Variants in KAT14 observed in about 807,000 individuals in gnomAD.
The protein encoded by KAT14 is cysteine-rich protein 2-binding protein.
KAT14 carries 66 observed loss-of-function variants against 78.4 expected under a neutral mutation model. The observed-to-expected ratio is 0.84, with a 90% CI of 0.69 to 1.03. The LOEUF (loss-of-function observed/expected upper bound fraction) is 1.03. Among genes scored for constraint, KAT14 ranks in the 50% least tolerant of loss-of-function variants. The pLI is 0.00. For missense variants in KAT14, 870 were observed against 972.5 expected, an observed-to-expected ratio of 0.89 and a Z score of 1.40; for synonymous variants, 344 against 359.4, an observed-to-expected ratio of 0.96 and a Z score of 0.48.
chr20:18,143,908 G>A (rs891225894), intron 2 of KAT14, among the ~76,000 whole-genome samples: 5 of 152,180 alleles, frequency 3.3e-5, no homozygotes, highest in African/African-American at 9.7e-5. Context: ...GGGATTACAG[G>A]CATGTGCTAC....
At chr20:18,149,510 G>A (rs982250355) in intron 3 of KAT14, among the ~76,000 whole-genome samples, 8 of 152,208 alleles carry the variant, frequency 5.3e-5, no homozygotes, top group African/African-American at 1.9e-4. Context: ...TAAGAATGGG[G>A]GAAATTGAAA....
intron 7 of KAT14, among the ~76,000 whole-genome samples, chr20:18,166,565 CAAG>C (rs1197896671): frequency 1.3e-5 from 2 of 152,194 alleles, no homozygotes; most frequent in Non-Finnish European, 2.9e-5. Flanking sequence ...TATTCTTTAA[CAAG>C]AAGGAAAACT....
intron 4 of KAT14, among the ~76,000 whole-genome samples, chr20:18,151,920 T>C (rs769156532): frequency 6.0e-5 from 9 of 151,130 alleles, no homozygotes; most frequent in Non-Finnish European, 1.2e-4. Context: ...GGAGAATTGC[T>C]TGAACCCAGG....
chr20:18,169,376 T>A (rs1182276352), intron 7 of KAT14, among the ~76,000 whole-genome samples: 1 of 152,268 alleles, frequency 6.6e-6, no homozygotes, highest in Non-Finnish European at 1.5e-5. Context: ...TCTAGTAGTG[T>A]GTGCTTACTT....
In KAT14 at chr20:18,172,343, G is replaced by A. The variant is rs892073192; in HGVS notation, c.1669-9367G>A. On this transcript the variant is annotated intron_variant, in intron 7 of 10. Transcript: ENST00000688188. Reference sequence around the variant, plus strand: ...TCTTGAACTCCTGACCTCGTGATCCGCCCGCCTCGGCCTCCCAAAGTGCTG... The same window carrying A: ...TCTTGAACTCCTGACCTCGTGATCCACCCGCCTCGGCCTCCCAAAGTGCTG... 1.6e-3 allele frequency among the ~76,000 whole-genome samples: 236 copies of A among 150,368 alleles called. 1 individual carries two copies. The highest frequency in any genetic ancestry group is 5.6e-3 in the African/African-American group (229 of 40,860).
rs1023124207 is a variant in KAT14, at chr20:18,138,422, C to T, written c.-454+371C>T. On this transcript the variant is annotated intron_variant, in intron 1 of 10. Transcript: ENST00000688188. ...AGGGTGCGGACCTTTCCACATCTCA[C>T]TTGGGCCGCTAGAAAATAGAAGGTG... The T allele has an allele frequency of 1.2e-5, 12 of 1,010,572 alleles. No homozygotes were observed. In the African/African-American group the frequency reaches 1.4e-4, roughly 12 times the overall value. The allele number at this position is 1,010,572 out of a possible 1,614,324, so 62.6% of individuals were successfully genotyped here. A position where few individuals can be genotyped will look rare whatever the true frequency, so the allele number is the denominator to read the frequency against.
intron 3 of KAT14, among the ~76,000 whole-genome samples, chr20:18,149,850 T>C (rs2037971231): frequency 6.6e-6 from 1 of 152,150 alleles, no homozygotes; most frequent in East Asian, 1.9e-4. Flanking sequence ...CTTGGGAGGC[T>C]GAGGCAGGAA....
At chr20:18,164,288 C>G (rs2038553797) in intron 7 of KAT14, among the ~76,000 whole-genome samples, 1 of 152,194 alleles carries the variant, frequency 6.6e-6, no homozygotes, top group Admixed American at 6.5e-5. Context: ...GTACTCCCAC[C>G]CTTGGCTTCC....
At position 18,162,387 on chromosome 20, in the gene KAT14, G is replaced by C. The variant is rs746703828; in HGVS notation, c.1110G>C (p.Glu370Asp). ...PPQALFHDDDEMEGDGVIDPG... is the reference protein window; with the variant it reads ...PPQALFHDDDDMEGDGVIDPG... ...TTGTACTCTGCACAGATGACGATGA[G>C]ATGGAAGGCGATGGAGTCATAGACC... The change falls in exon 7 of 11, where the codon GAG becomes GAC. Residue 370 changes from glutamate (E) to aspartate (D), a missense_variant. Coordinates refer to ENST00000688188, the MANE Select transcript of KAT14 (RefSeq NM_001392073.1). The C allele has an allele frequency of 6.2e-7, 1 of 1,612,070 alleles. No individual in the cohort carries two copies. The highest frequency in any genetic ancestry group is 8.5e-7 in the Non-Finnish European group (1 of 1,179,174).
intron 1 of KAT14, among the ~76,000 whole-genome samples, chr20:18,141,024 T>A (rs1187361795): frequency 9.1e-5 from 1 of 10,938 alleles, no homozygotes. Flanking sequence ...CTCCCTGCAA[T>A]TTTTTTTTTT....
intron 4 of KAT14, among the ~76,000 whole-genome samples, chr20:18,151,165 C>T (rs1265586664): frequency 1.3e-5 from 2 of 151,888 alleles, no homozygotes; most frequent in African/African-American, 4.8e-5. Flanking sequence ...GCTGGGATTA[C>T]AGGTGTGCAC....
At position 18,181,717 on chromosome 20, in the gene KAT14, T is replaced by C. The variant is rs763784705; in HGVS notation, c.1676T>C (p.Leu559Ser). Residue 559 changes from leucine (L) to serine (S), a missense_variant, in exon 8 of 11, where the codon TTG becomes TCG. Physicochemically the swap from Leu to Ser is moderately radical, Grantham distance 145 (BLOSUM62 -2). Coordinates refer to ENST00000688188, the MANE Select transcript of KAT14 (RefSeq NM_001392073.1). ...FRILDRYQTS[L>S]PSRKGFRHQT... is the part of the protein sequence containing the mutation. ...AGTGTTTCTTTCTCATAGACTTCCTTGCCGTCCAGGAAGGGATTTCGACAC... is the reference window on the plus strand; with the variant it reads ...AGTGTTTCTTTCTCATAGACTTCCTCGCCGTCCAGGAAGGGATTTCGACAC... The C allele has an allele frequency of 1.2e-6, 2 of 1,614,184 alleles. No individual in the cohort carries two copies. The highest frequency in any genetic ancestry group is 1.1e-5 in the South Asian group (1 of 91,086).
rs561747958 is a variant in KAT14, at chr20:18,147,073, G to T, written c.378+1722G>T. ...AGCACTTTTTACTTTGAAGGAAATA[G>T]AGTAATGAGAAAGATTTTAAATTAC... On this transcript the variant is annotated intron_variant, in intron 3 of 10. Transcript: ENST00000688188. Among the ~76,000 whole-genome samples, 33 of 152,276 alleles carry T rather than the reference G, an allele frequency of 2.2e-4. 1 individual carries two copies. The East Asian group carries it at 4.2e-3, about 20-fold the overall frequency.
At position 18,138,027 on chromosome 20, in the gene KAT14, T is replaced by A. The variant is rs1206348160; in HGVS notation, c.-478T>A. 2 of 1,493,152 alleles carry A rather than the reference T, an allele frequency of 1.3e-6. No homozygotes were observed. Among genetic ancestry groups the A allele is most frequent in the Non-Finnish European group, 1.8e-6 (2 of 1,128,030 alleles). 92.5% of individuals were successfully genotyped at this position (1,493,152 alleles called of 1,614,324 possible). ...CGGCGGCCACAGTGGCCGGCGTACA[T>A]GTGAAGCAGCAGTGGGACCAGCAGG... is the stretch of plus-strand genomic sequence containing the variant. On this transcript the variant is annotated 5_prime_UTR_variant, in exon 1 of 11. The change abolishes an upstream ATG in the 5' untranslated region. Transcript: ENST00000688188.
At position 18,161,428 on chromosome 20, in the gene KAT14, T is replaced by A. The variant is rs576206731; in HGVS notation, c.683-395T>A. ...TTGTTTAAATTTGCAGTATAACTTC[T>A]TTTTTCTCAAGAGATATCTAAGTCT... On this transcript the variant is annotated intron_variant, in intron 5 of 10. Transcript: ENST00000688188. 7.2e-5 allele frequency among the ~76,000 whole-genome samples: 11 copies of A among 152,284 alleles called. No individual in the cohort carries two copies. The South Asian group carries it at 2.3e-3, about 32-fold the overall frequency.
At chr20:18,153,623 TG>T (rs968161763) in intron 4 of KAT14, among the ~76,000 whole-genome samples, 2 of 152,234 alleles carry the variant, frequency 1.3e-5, no homozygotes, top group Non-Finnish European at 2.9e-5. Flanking sequence ...TTCTAGAGCA[TG>T]TTCTGAGAGG....
At chr20:18,185,093 ATAT>A (rs2039411161) in intron 10 of KAT14, among the ~76,000 whole-genome samples, 1 of 152,228 alleles carries the variant, frequency 6.6e-6, no homozygotes, top group Non-Finnish European at 1.5e-5. Flanking sequence ...TGGACTATTC[ATAT>A]TAGTAGTAGC....
chr20:18,161,325 G>T (rs2038413466), intron 5 of KAT14, among the ~76,000 whole-genome samples: 1 of 152,096 alleles, frequency 6.6e-6, no homozygotes. Flanking sequence ...AAAGTTCTGG[G>T]ATTAAGAGGC....
At chr20:18,138,082 C>T in intron 1 of KAT14, 31 bp downstream of exon 1, 1 of 1,443,608 alleles carries the variant, frequency 6.9e-7, no homozygotes, top group South Asian at 1.3e-5. Flanking sequence ...TCTTCCGGGC[C>T]CGCGCGCGCG....
Sources: gnomAD v4.1 joint callset for allele counts (sites outside exome capture counted in the v4.1 genomes callset) on GRCh38, gnomAD v4.1.1 for gene constraint, MANE v1.5 for transcripts, NCBI Gene and HGNC (gene_info 2026-07-23, HGNC 2026-07-21) for gene names.